TVP23A: variants seen among roughly 807,000 people sequenced by gnomAD.
TVP23A encodes the protein Golgi apparatus membrane protein TVP23 homolog A.
Under a neutral mutation model 31.7 loss-of-function variants are expected in TVP23A, and 21 were observed. The ratio of observed to expected loss-of-function variants is 0.66; its 90% CI spans 0.47 to 0.95. The LOEUF (loss-of-function observed/expected upper bound fraction) is 0.95. Among genes scored for constraint, TVP23A ranks in the 40% least tolerant of loss-of-function variants. The pLI, the probability that TVP23A is intolerant of heterozygous loss-of-function variation, is 0.00. For synonymous variants in TVP23A, 104 were observed against 96.0 expected (o/e 1.08, Z -0.49); for missense variants, 279 against 255.6 (o/e 1.09, Z -0.62).
chr16:10,812,925 TAA>T (rs1216549422), intron 2 of TVP23A, among the ~76,000 whole-genome samples: 2 of 151,720 alleles, frequency 1.3e-5, no homozygotes, highest in African/African-American at 4.8e-5. Context: ...TAAAAAGAAA[TAA>T]AAAGTTTGCC....
chr16:10,816,228 C>CAAAAAAAAA (rs760801777), intron 2 of TVP23A, among the ~76,000 whole-genome samples: 14 of 73,836 alleles, frequency 1.9e-4, no homozygotes, highest in African/African-American at 4.5e-4. Context: ...AACCCTATCT[C>CAAAAAAAAA]AAAAAAAAAA....
downstream of TVP23A, chr16:10,758,129 C>T (rs1900693409): frequency 7.3e-7 from 1 of 1,361,710 alleles, no homozygotes; most frequent in African/African-American, 1.4e-5. Context: ...AGGCTCTTCC[C>T]AGTGTGTGTT....
intron 7 of TVP23A, among the ~76,000 whole-genome samples, 161 bp downstream of exon 7, chr16:10,770,111 A>G (rs1211685732): frequency 6.6e-6 from 1 of 152,214 alleles, no homozygotes; most frequent in Non-Finnish European, 1.5e-5. Flanking sequence ...TGCAAAGCCC[A>G]GGGCAGGCCC....
intron 2 of TVP23A, among the ~76,000 whole-genome samples, chr16:10,776,570 G>A (rs528543577): frequency 5.3e-5 from 8 of 152,086 alleles, no homozygotes; most frequent in African/African-American, 9.7e-5. Flanking sequence ...TCAATGGCAC[G>A]AGCCCAGTTG....
chr16:10,761,456 C>T (rs768254675), exon 9 of TVP23A: 13 of 1,614,026 alleles, frequency 8.1e-6, no homozygotes, highest in Middle Eastern at 1.7e-4. Context: ...TGAGTGGCTT[C>T]ATCTGTCCTA....
At chr16:10,801,506 G>A (rs918710401) in intron 2 of TVP23A, among the ~76,000 whole-genome samples, 4 of 152,160 alleles carry the variant, frequency 2.6e-5, no homozygotes, top group African/African-American at 9.6e-5. Flanking sequence ...ACCCAGGCTG[G>A]AGTGCAGTGG....
chr16:10,778,551 G>C (rs943261477), intron 2 of TVP23A, among the ~76,000 whole-genome samples: 1 of 151,814 alleles, frequency 6.6e-6, no homozygotes, highest in Non-Finnish European at 1.5e-5. Context: ...ATCCCCAAAA[G>C]CACCCAGTAT....
chr16:10,812,047 C>A (rs576828525), intron 2 of TVP23A, among the ~76,000 whole-genome samples: 3 of 151,182 alleles, frequency 2.0e-5, no homozygotes, highest in Non-Finnish European at 4.4e-5. Flanking sequence ...GAATAAAGAC[C>A]TCAACAACAA....
chr16:10,810,765 C>T (rs577712910), intron 2 of TVP23A, among the ~76,000 whole-genome samples: 10 of 152,154 alleles, frequency 6.6e-5, no homozygotes, highest in Admixed American at 1.3e-4. Flanking sequence ...AGGCCTTACA[C>T]GTCGGCCCCT....
At chr16:10,762,134 G>A, downstream of TVP23A, 1 of 317,286 alleles carries the variant, frequency 3.2e-6, no homozygotes, top group Non-Finnish European at 5.9e-6. Flanking sequence ...TGGTGGCAGG[G>A]GACTGAGGAG....
In TVP23A at chr16:10,777,498, C is replaced by G. The variant is rs560418591; in HGVS notation, c.90-2402G>C. Among the ~76,000 whole-genome samples the G allele has an allele frequency of 6.6e-6, 1 of 152,108 alleles. No homozygotes were observed. The highest frequency in any genetic ancestry group is 1.5e-5 in the Non-Finnish European group (1 of 68,022). On this transcript the variant is annotated intron_variant, in intron 2 of 7. Coordinates refer to ENST00000299866, the MANE Select transcript of TVP23A (RefSeq NM_001079512.4). This position sits in a 1 kb window ranked among gnomAD's most constrained non-coding sequence, Gnocchi z 4.5. ...CCTGCTCATTCTCCCCAAGAAGAAA[C>G]GGAGTCCGAGTCAACAAACCACAGG...
intron 2 of TVP23A, chr16:10,808,676 C>A (rs1423229161): frequency 5.3e-6 from 2 of 376,064 alleles, no homozygotes; most frequent in Admixed American, 3.1e-5. Flanking sequence ...ACTGAGGAGG[C>A]TGAGAAGGGA....
chr16:10,757,914 G>A (rs1337952651), downstream of TVP23A: 2 of 1,613,946 alleles, frequency 1.2e-6, no homozygotes, highest in Admixed American at 1.7e-5. This position sits in a 1 kb window ranked among gnomAD's most constrained non-coding sequence, Gnocchi z 4.1. Context: ...CTGGGGAGAG[G>A]TCGACTACCT....
intron 2 of TVP23A, among the ~76,000 whole-genome samples, chr16:10,810,155 T>C (rs1282219452): frequency 2.0e-5 from 3 of 152,136 alleles, no homozygotes; most frequent in Non-Finnish European, 4.4e-5. Context: ...ACAAAACATG[T>C]GTCACCTAGA....
chr16:10,793,760 A>G (rs977587917), intron 2 of TVP23A, among the ~76,000 whole-genome samples: 1 of 151,726 alleles, frequency 6.6e-6, no homozygotes, highest in Non-Finnish European at 1.5e-5. Context: ...CTAGCTGGGC[A>G]TGGTGGCATA....
intron 2 of TVP23A, among the ~76,000 whole-genome samples, chr16:10,787,811 G>C (rs530814823): frequency 1.3e-5 from 2 of 152,162 alleles, no homozygotes; most frequent in African/African-American, 4.8e-5. Context: ...TTCTTGGCAT[G>C]AGATGACAAA....
intron 2 of TVP23A, among the ~76,000 whole-genome samples, chr16:10,789,904 A>G (rs1596533176): frequency 6.6e-6 from 1 of 151,544 alleles, no homozygotes; most frequent in South Asian, 2.1e-4. Flanking sequence ...GAGGGGCAGG[A>G]GGAGGGGGCT....
At chr16:10,815,953 G>A (rs1704085139) in intron 2 of TVP23A, among the ~76,000 whole-genome samples, 1 of 152,088 alleles carries the variant, frequency 6.6e-6, no homozygotes, top group African/African-American at 2.4e-5. Context: ...TGGGTGCAGT[G>A]GCTCATGCCT....
At position 10,818,706 on chromosome 16, in the gene TVP23A, C is replaced by G. The variant is rs2034557516; in HGVS notation, c.-213G>C. Reference sequence around the variant, plus strand: ...GCGCAGTCGCAGGCTGGGGAGGGGGCTCGGCTCGCCGGGGACGCGCCCAGG... The same window carrying G: ...GCGCAGTCGCAGGCTGGGGAGGGGGGTCGGCTCGCCGGGGACGCGCCCAGG... On this transcript the variant is annotated 5_prime_UTR_variant, in exon 1 of 8. Transcript: ENST00000299866. The surrounding 1 kb of genome is among the most constrained non-coding windows in gnomAD (Gnocchi z 4.7). 3.7e-6 allele frequency: 2 copies of G among 537,126 alleles called. No individual in the cohort carries two copies. Among genetic ancestry groups the G allele is most frequent in the East Asian group, 3.5e-5 (1 of 28,522 alleles). The allele number at this position is 537,126 out of a possible 1,614,324, so 33.3% of individuals were successfully genotyped here.
Sources: gnomAD v4.1 joint callset for allele counts (sites outside exome capture counted in the v4.1 genomes callset) on GRCh38, gnomAD v4.1.1 for gene constraint, Gnocchi (gnomAD v3.1) non-coding constraint, MANE v1.5 for transcripts, NCBI Gene and HGNC (gene_info 2026-07-23, HGNC 2026-07-21) for gene names.